The following FARP2 variants were observed in gnomAD, a reference collection of about 807,000 sequenced individuals.
FARP2 encodes FERM, ARHGEF and pleckstrin domain-containing protein 2.
FARP2 carries 111 observed loss-of-function variants against 130.5 expected under a neutral mutation model. The observed-to-expected ratio is 0.85, with a 90% CI of 0.73 to 1.00. FARP2 has a LOEUF of 1.00. Ranked by LOEUF, FARP2 falls within the 50% of genes least tolerant of loss-of-function variation. FARP2 has a pLI of 0.00. For missense variants in FARP2, 1,385 were observed against 1,346.3 expected (o/e 1.03, Z -0.45); for synonymous variants, 504 against 516.9 (o/e 0.98, Z 0.34).
At chr2:241,404,872 G>A (rs1174480162) in intron 4 of FARP2, 31 bp downstream of exon 4, 4 of 1,543,440 alleles carry the variant, frequency 2.6e-6, no homozygotes, top group Non-Finnish European at 3.6e-6. Context: ...TTTAAAATCT[G>A]TTTGTTTAAG....
intron 19 of FARP2, chr2:241,479,069 T>TA (rs1295213710): frequency 9.8e-6 from 5 of 511,964 alleles, no homozygotes; most frequent in Non-Finnish European, 1.4e-5. Flanking sequence ...CCAGGAAGCT[T>TA]GGCTGCGAGA....
At chr2:241,396,541 C>T (rs1050974658) in intron 2 of FARP2, among the ~76,000 whole-genome samples, 51 of 152,304 alleles carry the variant, frequency 3.3e-4, no homozygotes, top group African/African-American at 1.2e-3. Flanking sequence ...ACAGACACTT[C>T]TCAAAAGAAG....
intron 14 of FARP2, among the ~76,000 whole-genome samples, chr2:241,461,066 G>A (rs13399699): frequency 6.6e-6 from 1 of 152,178 alleles, no homozygotes; most frequent in African/African-American, 2.4e-5. Context: ...AGCAGTACAA[G>A]GAAGAAGACA....
chr2:241,416,417 A>G (rs994425837), intron 7 of FARP2, among the ~76,000 whole-genome samples: 6 of 152,254 alleles, frequency 3.9e-5, no homozygotes, highest in Admixed American at 3.9e-4. Flanking sequence ...CACAGTCACC[A>G]CAGCTTCGTT....
intron 7 of FARP2, among the ~76,000 whole-genome samples, chr2:241,413,940 CAA>C (rs746206247): frequency 1.8e-4 from 16 of 88,526 alleles, no homozygotes; most frequent in Admixed American, 2.6e-4. Context: ...AACTCCGTCT[CAA>C]AAAAAAAAAA....
chr2:241,357,637 C>G (rs969141838), intron 1 of FARP2, among the ~76,000 whole-genome samples: 2 of 152,126 alleles, frequency 1.3e-5, no homozygotes, highest in African/African-American at 2.4e-5. Flanking sequence ...AGGGTCACAC[C>G]TAGGGTACTT....
chr2:241,461,515 C>A (rs544858255), intron 14 of FARP2, among the ~76,000 whole-genome samples: 39 of 152,218 alleles, frequency 2.6e-4, no homozygotes, highest in Non-Finnish European at 5.4e-4. Flanking sequence ...ACAGGCTGCC[C>A]GGTCTGCTCT....
In FARP2 at chr2:241,491,184, G is replaced by A. The variant is rs1559817120; in HGVS notation, c.2623+5G>A. 1.2e-6 allele frequency: 2 copies of A among 1,602,450 alleles called. No homozygotes were observed. The highest frequency in any genetic ancestry group is 2.2e-5 in the East Asian group (1 of 44,816). ...CTGTGTGCACTCGTCCCCCCAGTGA[G>A]TGCTGGCCACAACCCCCCAGGAGAC... On this transcript the variant is annotated splice_donor_5th_base_variant and intron_variant, in intron 23 of 26. Transcript: ENST00000264042.
intron 20 of FARP2, 100 bp downstream of exon 20, chr2:241,483,633 G>GTAGT (rs1301926411): frequency 7.3e-7 from 1 of 1,364,092 alleles, no homozygotes; most frequent in African/African-American, 1.4e-5. Context: ...TGGCCTCTGG[G>GTAGT]TAGTTTAGCA....
intron 2 of FARP2, among the ~76,000 whole-genome samples, chr2:241,400,316 G>A (rs2062135395): frequency 6.6e-6 from 1 of 152,250 alleles, no homozygotes; most frequent in Non-Finnish European, 1.5e-5. Context: ...ATCAGGAGCA[G>A]TGGTGGACAG....
chr2:241,467,658 A>AT (rs2064206988), intron 17 of FARP2, among the ~76,000 whole-genome samples: 1 of 151,260 alleles, frequency 6.6e-6, no homozygotes, highest in Admixed American at 6.6e-5. Context: ...AAAAAAAAAA[A>AT]GTCAGGTGTG....
At chr2:241,401,498 G>A (rs751949324) in intron 2 of FARP2, among the ~76,000 whole-genome samples, 11 of 152,056 alleles carry the variant, frequency 7.2e-5, no homozygotes, top group Non-Finnish European at 1.5e-4. Flanking sequence ...TTTATACATT[G>A]TATAGAAATG....
intron 13 of FARP2, among the ~76,000 whole-genome samples, chr2:241,454,300 A>G (rs1402297857): frequency 6.6e-6 from 1 of 152,110 alleles, no homozygotes; most frequent in East Asian, 1.9e-4. Context: ...TCTCTGAGTG[A>G]GGTGCTGTGA....
intron 13 of FARP2, chr2:241,444,470 T>A (rs1159414064): frequency 6.6e-6 from 1 of 152,140 alleles, no homozygotes; most frequent in Non-Finnish European, 1.5e-5. Flanking sequence ...ACTAACAAAG[T>A]TGTCTTTTTG....
chr2:241,371,102 A>T (rs2061414962), intron 1 of FARP2, among the ~76,000 whole-genome samples: 2 of 152,180 alleles, frequency 1.3e-5, no homozygotes, highest in African/African-American at 4.8e-5. Flanking sequence ...GCAGAAGTTC[A>T]AAAGGTTGTC....
In FARP2 at chr2:241,461,751, C is replaced by T. The variant is rs115732995; in HGVS notation, c.1588-772C>T. Among the ~76,000 whole-genome samples the T allele has an allele frequency of 5.5e-3, 838 of 152,310 alleles. 14 individuals are homozygous for T. Among genetic ancestry groups the T allele is most frequent in the African/African-American group, 0.019 (783 of 41,552 alleles). The stretch of plus-strand genomic sequence containing the variant: ...GGCCACAGTCTGGAGGTGGGGCAGG[C>T]GAGCTGCCAGGGCAGAGCAGGATCA... On this transcript the variant is annotated intron_variant, in intron 14 of 26. Coordinates refer to ENST00000264042, the MANE Select transcript of FARP2 (RefSeq NM_014808.4).
chr2:241,451,572 T>C (rs2063658651), intron 13 of FARP2, among the ~76,000 whole-genome samples: 1 of 152,202 alleles, frequency 6.6e-6, no homozygotes, highest in Admixed American at 6.5e-5. Context: ...ACGAATTTTA[T>C]AAAAGGGACT....
chr2:241,460,742 G>C (rs1001397436), intron 14 of FARP2, among the ~76,000 whole-genome samples: 1 of 152,234 alleles, frequency 6.6e-6, no homozygotes, highest in Non-Finnish European at 1.5e-5. Flanking sequence ...CTGTGGGGAG[G>C]AGGCCAGTGC....
chr2:241,406,186 T>C (rs2150353535), intron 4 of FARP2, among the ~76,000 whole-genome samples: 1 of 150,992 alleles, frequency 6.6e-6, no homozygotes, highest in East Asian at 2.0e-4. Flanking sequence ...GGGGCGCCTG[T>C]AGTCCCAGCT....
Sources: gnomAD v4.1 joint callset for allele counts (sites outside exome capture counted in the v4.1 genomes callset) on GRCh38, gnomAD v4.1.1 for gene constraint, MANE v1.5 for transcripts, NCBI Gene and HGNC (gene_info 2026-07-23, HGNC 2026-07-21) for gene names.